The following CYS1 variants were observed in gnomAD, a reference collection of about 807,000 sequenced individuals.
The protein encoded by CYS1 is cystin-1.
A neutral mutation model predicts 9.6 loss-of-function variants in CYS1; 5 were observed. The ratio of observed to expected loss-of-function variants is 0.52; its 90% CI spans 0.27 to 1.10. The LOEUF (loss-of-function observed/expected upper bound fraction) is 1.10. CYS1 is among the 50% of genes least tolerant of loss of function. CYS1 has a pLI of 0.11. For missense variants in CYS1, 221 were observed against 207.9 expected, an observed-to-expected ratio of 1.06 and a Z score of -0.39; for synonymous variants, 88 against 95.7, an observed-to-expected ratio of 0.92 and a Z score of 0.47.
rs1661550727 is a variant in CYS1, at chr2:10,056,548, C to T, written c.*2305G>A. ...TTTGAGATGTGTTTCTTTCTGCCTC[C>T]ATTCCAGCCACAGTCCCATCCTGGC... is the stretch of plus-strand genomic sequence containing the variant. On this transcript the variant is annotated 3_prime_UTR_variant, in exon 3 of 3. Transcript: ENST00000381813. 6.6e-6 allele frequency among the ~76,000 whole-genome samples: 1 copy of T among 152,256 alleles called. No individual in the cohort carries two copies. Among genetic ancestry groups the T allele is most frequent in the South Asian group, 2.1e-4 (1 of 4,838 alleles).
At chr2:10,077,082 C>G (rs1013992770) in intron 1 of CYS1, among the ~76,000 whole-genome samples, 1 of 152,156 alleles carries the variant, frequency 6.6e-6, no homozygotes, top group African/African-American at 2.4e-5. Context: ...ACTCCTGGTT[C>G]ACCTTTGATT....
rs1181295522 is a variant in CYS1, at chr2:10,060,399, C to T, written c.372-1441G>A. Among the ~76,000 whole-genome samples the T allele has an allele frequency of 2.0e-5, 3 of 152,212 alleles. No individual in the cohort carries two copies. The East Asian group carries it at 5.8e-4, about 29-fold the overall frequency. On this transcript the variant is annotated intron_variant, in intron 2 of 2. Transcript: ENST00000381813. ...ACAGCCTCCGGGTCCCCGTCTGGCT[C>T]TCTGGGAACTCAGGGCAAGAGCTGG...
intron 1 of CYS1, among the ~76,000 whole-genome samples, chr2:10,071,522 T>C (rs1360780235): frequency 6.6e-6 from 1 of 152,220 alleles, no homozygotes; most frequent in Non-Finnish European, 1.5e-5. Context: ...GAGGAAGCAA[T>C]TTCCCCAATG....
intron 1 of CYS1, among the ~76,000 whole-genome samples, chr2:10,067,401 CTTTTCT>C (rs1333243228): frequency 1.8e-5 from 2 of 112,078 alleles, no homozygotes; most frequent in Non-Finnish European, 3.7e-5. Context: ...TAAAAAAATT[CTTTTCT>C]TTTTTTTTTT....
intron 1 of CYS1, among the ~76,000 whole-genome samples, chr2:10,071,158 G>A (rs1253227791): frequency 2.0e-5 from 3 of 152,142 alleles, no homozygotes; most frequent in African/African-American, 4.8e-5. Flanking sequence ...GTAGATACGG[G>A]GTTTCACTAT....
chr2:10,075,815 G>A (rs542740475), intron 1 of CYS1, among the ~76,000 whole-genome samples: 2 of 152,140 alleles, frequency 1.3e-5, no homozygotes, highest in African/African-American at 2.4e-5. Context: ...CTCAGATAAC[G>A]TACTTCCCTT....
Position 10,076,763 on chromosome 2 carries a change from G to A in CYS1, c.318+3143C>T, listed in dbSNP as rs565665027. Reference sequence around the variant, plus strand: ...ACACGAAGCTCCCAGGACAGAGCCCGGTGCCCATCCATGCTTCCTAAGCAC... The same window carrying A: ...ACACGAAGCTCCCAGGACAGAGCCCAGTGCCCATCCATGCTTCCTAAGCAC... On this transcript the variant is annotated intron_variant, in intron 1 of 2. Coordinates refer to ENST00000381813, the MANE Select transcript of CYS1 (RefSeq NM_001037160.3). This position sits in a 1 kb window ranked among gnomAD's most constrained non-coding sequence, Gnocchi z 4.3. Among the ~76,000 whole-genome samples, 2 of 152,216 alleles carry A rather than the reference G, an allele frequency of 1.3e-5. No homozygotes were observed. The highest frequency in any genetic ancestry group is 3.9e-4 in the East Asian group (2 of 5,186).
chr2:10,061,668 A>G (rs1301578959), intron 2 of CYS1, among the ~76,000 whole-genome samples: 1 of 152,190 alleles, frequency 6.6e-6, no homozygotes, highest in Admixed American at 6.5e-5. Context: ...GACTGGCGCA[A>G]GGGAAGCTGA....
At chr2:10,074,531 T>A (rs544836055) in intron 1 of CYS1, among the ~76,000 whole-genome samples, 2 of 152,330 alleles carry the variant, frequency 1.3e-5, no homozygotes, top group African/African-American at 4.8e-5. Flanking sequence ...AGAAGCTGCT[T>A]GTCTCTGGAG....
At chr2:10,071,877 T>C (rs1343325303) in intron 1 of CYS1, among the ~76,000 whole-genome samples, 1 of 151,992 alleles carries the variant, frequency 6.6e-6, no homozygotes, top group Non-Finnish European at 1.5e-5. Flanking sequence ...TCAGGACCAG[T>C]GTGTGTGTGC....
chr2:10,062,076 C>A (rs966916843), intron 2 of CYS1, among the ~76,000 whole-genome samples: 1 of 150,860 alleles, frequency 6.6e-6, no homozygotes, highest in East Asian at 2.0e-4. Context: ...GGCAGGATCA[C>A]GGCTCACCAT....
At position 10,058,930 on chromosome 2, in the gene CYS1, C is replaced by CG. The variant is rs535291645; in HGVS notation, c.399dup (p.Glu134ArgfsTer52). 426 of 1,592,892 alleles carry CG rather than the reference C, an allele frequency of 2.7e-4. 5 individuals carry two copies. The East Asian group carries it at 8.4e-3, about 32-fold the overall frequency. ...TCGTAGGAGATGGCTGCCGGCCTCT[C>CG]GGGCTTCTTGCGACCGCTGCCTGGG... On this transcript the variant is annotated frameshift_variant, in exon 3 of 3. Transcript: ENST00000381813. LOFTEE classifies it high-confidence loss of function.
chr2:10,073,220 C>CCCA lies in CYS1; in HGVS notation c.318+6685_318+6686insTGG, dbSNP rs1553316580. On this transcript the variant is annotated intron_variant, in intron 1 of 2. Transcript: ENST00000381813. The stretch of plus-strand genomic sequence containing the variant: ...GGGCTCTGGGAACCGCCCCCCCCCC[C>CCCA]CCCCCGGCTGTGGGCTGCCAGTCCA... Among the ~76,000 whole-genome samples the CCCA allele has an allele frequency of 4.9e-3, 703 of 143,162 alleles. 14 individuals carry two copies. Among genetic ancestry groups the CCCA allele is most frequent in the African/African-American group, 0.018 (670 of 37,886 alleles). 93.9% of individuals were successfully genotyped at this position (143,162 alleles called of 152,430 possible).
intron 2 of CYS1, among the ~76,000 whole-genome samples, chr2:10,059,242 C>A (rs1378508382): frequency 6.6e-6 from 1 of 152,272 alleles, no homozygotes; most frequent in Non-Finnish European, 1.5e-5. Context: ...AGCTTGAATC[C>A]CAGCTCTGCG....
intron 2 of CYS1, among the ~76,000 whole-genome samples, chr2:10,061,866 G>A (rs1661633728): frequency 6.6e-6 from 1 of 152,180 alleles, no homozygotes; most frequent in Non-Finnish European, 1.5e-5. Context: ...CCCTGCTTGG[G>A]TGGGGGCACA....
intron 2 of CYS1, among the ~76,000 whole-genome samples, chr2:10,060,881 C>G (rs976410957): frequency 6.6e-6 from 1 of 152,264 alleles, no homozygotes; most frequent in African/African-American, 2.4e-5. Flanking sequence ...TACCACAGAG[C>G]TGGGCACTAA....
At chr2:10,059,549 T>C (rs1203829248) in intron 2 of CYS1, among the ~76,000 whole-genome samples, 1 of 151,912 alleles carries the variant, frequency 6.6e-6, no homozygotes, top group Non-Finnish European at 1.5e-5. Flanking sequence ...ATACAAAAAT[T>C]ATCCGGGTGG....
rs562047394 is a variant in CYS1, at chr2:10,067,763, C to T, written c.319-1807G>A. 9.2e-5 allele frequency among the ~76,000 whole-genome samples: 14 copies of T among 152,238 alleles called. No individual in the cohort carries two copies. The East Asian group carries it at 2.7e-3, about 29-fold the overall frequency. On this transcript the variant is annotated intron_variant, in intron 1 of 2. Transcript: ENST00000381813. ...GTCTTACTGAATTCTCTTATTAATT[C>T]CAGTAATTTATGGCTTCCTTTGGAT...
chr2:10,078,681 A>G (rs1184743941), intron 1 of CYS1, among the ~76,000 whole-genome samples: 1 of 152,096 alleles, frequency 6.6e-6, no homozygotes, highest in Non-Finnish European at 1.5e-5. Flanking sequence ...TTTGATACGG[A>G]TCTCTCATCG....
Sources: allele counts gnomAD v4.1 joint callset (sites outside exome capture counted in the v4.1 genomes callset), GRCh38; gene constraint gnomAD v4.1.1; non-coding constraint Gnocchi (gnomAD v3.1); transcripts MANE v1.5; gene names NCBI Gene and HGNC (gene_info 2026-07-23, HGNC 2026-07-21).